Variants in CHN2 observed in about 807,000 individuals in gnomAD.
CHN2 encodes chimerin 2.
In CHN2, 35 loss-of-function variants were observed where a neutral mutation model predicts 56.3. The ratio of observed to expected loss-of-function variants is 0.62; its 90% confidence interval spans 0.47 to 0.82. The LOEUF (loss-of-function observed/expected upper bound fraction) is 0.82. Ranked by LOEUF, CHN2 falls within the 40% of genes least tolerant of loss-of-function variation. The pLI is 0.00. For missense variants in CHN2, 491 were observed against 580.5 expected, an observed-to-expected ratio of 0.85 and a Z score of 1.58; for synonymous variants, 210 against 212.8, an observed-to-expected ratio of 0.99 and a Z score of 0.12.
chr7:29,284,091 TTTAC>T (rs1791953274), intron 1 of CHN2, among the ~76,000 whole-genome samples: 1 of 151,762 alleles, frequency 6.6e-6, no homozygotes, highest in South Asian at 2.1e-4. Flanking sequence ...TTTTTGTATT[TTTAC>T]TTATTTTATT....
At chr7:29,291,728 C>T (rs980176698) in intron 1 of CHN2, among the ~76,000 whole-genome samples, 1 of 152,040 alleles carries the variant, frequency 6.6e-6, no homozygotes, top group East Asian at 1.9e-4. Flanking sequence ...CTTTGCACAT[C>T]CTTAATGTTT....
chr7:29,313,371 C>T (rs561133793), intron 1 of CHN2, among the ~76,000 whole-genome samples: 1 of 152,286 alleles, frequency 6.6e-6, no homozygotes, highest in Non-Finnish European at 1.5e-5. Flanking sequence ...GGAGGATTCC[C>T]CTGAAATAGA....
intron 2 of CHN2, among the ~76,000 whole-genome samples, chr7:29,168,635 A>G (rs2128721587): frequency 6.6e-6 from 1 of 152,284 alleles, no homozygotes; most frequent in East Asian, 1.9e-4. Context: ...CCAATCCCCC[A>G]ACCTGTATAG....
chr7:29,475,061 A>AT (rs1356152692), intron 6 of CHN2, among the ~76,000 whole-genome samples: 3 of 151,992 alleles, frequency 2.0e-5, no homozygotes, highest in African/African-American at 7.3e-5. Context: ...AAAGGGCTCC[A>AT]TTTTCCCAGG....
chr7:29,214,406 G>A (rs35673310), intron 1 of CHN2, among the ~76,000 whole-genome samples: 20,145 of 152,152 alleles, frequency 0.13, 1,706 homozygotes, highest in Non-Finnish European at 0.19. Flanking sequence ...CCTCATTAAA[G>A]TCTGACTTTT....
chr7:29,155,812 T>C (rs1794282193), intron 2 of CHN2, among the ~76,000 whole-genome samples: 1 of 152,134 alleles, frequency 6.6e-6, no homozygotes, highest in Non-Finnish European at 1.5e-5. Context: ...ATTTTTTTTT[T>C]CTAGGCCTCA....
intron 1 of CHN2, among the ~76,000 whole-genome samples, chr7:29,230,972 G>T (rs1014846473): frequency 2.4e-4 from 36 of 152,100 alleles, no homozygotes; most frequent in African/African-American, 8.2e-4. Flanking sequence ...TTTGTATTAG[G>T]CCCGTTTTGC....
intron 2 of CHN2, among the ~76,000 whole-genome samples, chr7:29,365,737 C>A (rs1301294204): frequency 1.3e-5 from 2 of 152,164 alleles, no homozygotes; most frequent in Non-Finnish European, 2.9e-5. Context: ...TAGAAGGAGA[C>A]AGGCAAAAGC....
At chr7:29,399,749 A>G (rs1585265547) in intron 5 of CHN2, among the ~76,000 whole-genome samples, 1 of 152,228 alleles carries the variant, frequency 6.6e-6, no homozygotes, top group East Asian at 1.9e-4. Context: ...AAGTTGCAAC[A>G]TGTCTACAGC....
At chr7:29,174,541 A>T (rs954507358) in intron 2 of CHN2, among the ~76,000 whole-genome samples, 1 of 152,160 alleles carries the variant, frequency 6.6e-6, no homozygotes, top group Admixed American at 6.5e-5. Context: ...GAAGGGGCAG[A>T]AAGAAAATAC....
rs1310776143 is a variant in CHN2, at chr7:29,252,644, G to A, written c.49+57654G>A. 1.1e-4 allele frequency among the ~76,000 whole-genome samples: 9 copies of A among 83,406 alleles called. 1 individual carries two copies. Among genetic ancestry groups the A allele is most frequent in the African/African-American group, 5.7e-4 (6 of 10,470 alleles). The allele number at this position is 83,406 out of a possible 152,430, so 54.7% of individuals were successfully genotyped here. A position where few individuals can be genotyped will look rare whatever the true frequency, so the allele number is the denominator to read the frequency against. ...CGCTCTGTCGCCCAGGCCAGACTGC[G>A]GACTGCAGTGGCGCAATCTCGGCTC... On this transcript the variant is annotated intron_variant, in intron 1 of 12. Transcript: ENST00000222792.
chr7:29,482,888 C>G (rs912608283), intron 7 of CHN2, among the ~76,000 whole-genome samples: 3 of 130,006 alleles, frequency 2.3e-5, no homozygotes, highest in Non-Finnish European at 4.7e-5. Context: ...GTGGCGCGAT[C>G]TCGGCTCACT....
intron 2 of CHN2, among the ~76,000 whole-genome samples, chr7:29,172,449 G>T (rs1054722573): frequency 6.6e-6 from 1 of 151,978 alleles, no homozygotes; most frequent in Non-Finnish European, 1.5e-5. Context: ...TCATCATATT[G>T]CCACCCATTT....
intron 6 of CHN2, among the ~76,000 whole-genome samples, chr7:29,470,938 C>T (rs1398202872): frequency 1.3e-5 from 2 of 152,068 alleles, no homozygotes; most frequent in African/African-American, 4.8e-5. Flanking sequence ...CAGAGAAAAG[C>T]AAATGAATAT....
At chr7:29,167,990 G>A (rs1796136015) in intron 2 of CHN2, among the ~76,000 whole-genome samples, 1 of 152,202 alleles carries the variant, frequency 6.6e-6, no homozygotes, top group Non-Finnish European at 1.5e-5. Context: ...ATAATGAACA[G>A]ATGACTGACC....
At chr7:29,407,462 A>G (rs1303859510) in intron 6 of CHN2, among the ~76,000 whole-genome samples, 1 of 152,090 alleles carries the variant, frequency 6.6e-6, no homozygotes, top group East Asian at 1.9e-4. Context: ...CTGAATTGTT[A>G]ATGCAGAAAG....
chr7:29,358,555 C>G (rs1473455939), intron 2 of CHN2, among the ~76,000 whole-genome samples: 1 of 152,054 alleles, frequency 6.6e-6, no homozygotes, highest in Non-Finnish European at 1.5e-5. Context: ...CCCCGCCTCC[C>G]GAGTTCACGC....
rs184202261 is a variant in CHN2 at position 29,156,566 on chromosome 7, C to T, written c.274+9606C>T. On this transcript the variant is annotated intron_variant, in intron 2 of 6. Transcript: ENST00000439384. ...TTTTGCCCTGAGGCATCTGAAGGAA[C>T]TCAGCTAAGGCATCCCCGATAAAGG... 6.7e-4 allele frequency among the ~76,000 whole-genome samples: 102 copies of T among 152,298 alleles called. 1 individual carries two copies. Among genetic ancestry groups the T allele is most frequent in the African/African-American group, 2.3e-3 (97 of 41,564 alleles).
chr7:29,175,538 C>T (rs1028460307), intron 2 of CHN2, among the ~76,000 whole-genome samples: 13 of 152,020 alleles, frequency 8.6e-5, no homozygotes, highest in African/African-American at 2.4e-4. Context: ...TCTTGCCTGC[C>T]GCCATGTAAG....
Sources: gnomAD v4.1 joint callset for allele counts (sites outside exome capture counted in the v4.1 genomes callset) on GRCh38, gnomAD v4.1.1 for gene constraint, MANE v1.5 for transcripts, NCBI Gene and HGNC (gene_info 2026-07-23, HGNC 2026-07-21) for gene names.